EYS: variants seen among roughly 807,000 people sequenced by gnomAD.
The protein encoded by EYS is EGF-like photoreceptor maintenance factor, also known as protein eyes shut homolog.
EYS carries 250 observed loss-of-function variants against 282.1 expected under a neutral mutation model. The ratio of observed to expected loss-of-function variants is 0.89; its 90% confidence interval spans 0.80 to 0.98. The LOEUF (loss-of-function observed/expected upper bound fraction) is 0.98. Ranked by LOEUF, EYS falls within the 50% of genes least tolerant of loss-of-function variation. The probability of loss-of-function intolerance (pLI) is 0.00; values close to 1 mark genes in which losing one functional copy is unlikely to be tolerated. For missense variants in EYS, 4,016 were observed against 3,709.0 expected (o/e 1.08, Z -2.15); for synonymous variants, 1,355 against 1,282.9 (o/e 1.06, Z -1.20).
At chr6:65,300,261 C>T (rs757419460) in intron 11 of EYS, among the ~76,000 whole-genome samples, 1 of 152,142 alleles carries the variant, frequency 6.6e-6, no homozygotes, top group Non-Finnish European at 1.5e-5. Flanking sequence ...TCTTCACCTT[C>T]ATCCTGGGAG....
At position 63,726,551 on chromosome 6, in the gene EYS, A is replaced by G. The variant is rs1482261398; in HGVS notation, c.8201T>C (p.Phe2734Ser). ...FQPLAADGIL[F>S]YAAQHLKAQS... ...GGCTTTTAAGTGTTGTGCAGCATAA[A>G]ATAGGATACCATCTGCAGCGAGAGG... The change falls in exon 42 of 43, where the codon TTT becomes TCT. Residue 2734 changes from phenylalanine (F) to serine (S), a missense_variant. Phe to Ser is a radical substitution (Grantham distance 155, BLOSUM62 -2). Transcript: ENST00000503581. 6.4e-7 allele frequency: 1 copy of G among 1,551,320 alleles called. No individual in the cohort carries two copies. The highest frequency in any genetic ancestry group is 8.7e-7 in the Non-Finnish European group (1 of 1,146,778).
At chr6:64,184,432 A>C (rs1764875138) in intron 31 of EYS, among the ~76,000 whole-genome samples, 1 of 152,168 alleles carries the variant, frequency 6.6e-6, no homozygotes, top group South Asian at 2.1e-4. Context: ...GAGGTTAGCA[A>C]AAGGCTAGCA....
At chr6:64,464,363 C>T (rs1775850967) in intron 26 of EYS, among the ~76,000 whole-genome samples, 1 of 152,070 alleles carries the variant, frequency 6.6e-6, no homozygotes, top group East Asian at 1.9e-4. Flanking sequence ...AAGTTATAAG[C>T]TCTCACATTC....
In EYS at chr6:64,919,812, T is replaced by C. The variant is rs369899820; in HGVS notation, c.2382-7069A>G. Among the ~76,000 whole-genome samples the C allele has an allele frequency of 2.4e-4, 37 of 152,282 alleles. No homozygotes were observed. The East Asian group carries it at 3.1e-3, about 13-fold the overall frequency. ...TCAAGCTGCTTTGTAGGTCAGTATT[T>C]CTAAAAAACAATTCAAGGCTTTTTC... On this transcript the variant is annotated intron_variant, in intron 15 of 42. Transcript: ENST00000503581.
intron 7 of EYS, among the ~76,000 whole-genome samples, chr6:65,390,476 T>C (rs1038358856): frequency 6.6e-6 from 1 of 151,740 alleles, no homozygotes. Flanking sequence ...ACGCTGTCTA[T>C]ACACTTCACT....
At chr6:64,784,412 T>G (rs1773954530) in intron 22 of EYS, among the ~76,000 whole-genome samples, 1 of 152,190 alleles carries the variant, frequency 6.6e-6, no homozygotes, top group Admixed American at 6.5e-5. Context: ...CCTTTTTATT[T>G]GGTCACAAAC....
At chr6:64,121,474 C>T (rs1487570423) in intron 31 of EYS, among the ~76,000 whole-genome samples, 1 of 152,326 alleles carries the variant, frequency 6.6e-6, no homozygotes, top group East Asian at 1.9e-4. Context: ...GAGCTAACAG[C>T]TGTCTAATTT....
At chr6:63,934,039 A>G (rs1263432771) in intron 35 of EYS, among the ~76,000 whole-genome samples, 1 of 152,176 alleles carries the variant, frequency 6.6e-6, no homozygotes, top group Non-Finnish European at 1.5e-5. Context: ...TCTACAATGA[A>G]CTCAAACAAA....
intron 21 of EYS, chr6:64,815,170 GAACT>G: frequency 2.3e-6 from 1 of 430,978 alleles, no homozygotes; most frequent in South Asian, 1.6e-5. Context: ...ACAAGTGATA[GAACT>G]AAGTATGTTT....
At chr6:64,958,415 T>C (rs1359681151) in intron 14 of EYS, among the ~76,000 whole-genome samples, 4 of 149,996 alleles carry the variant, frequency 2.7e-5, no homozygotes, top group Non-Finnish European at 5.9e-5. Context: ...ACAAATTTAA[T>C]GTCATCTGAA....
chr6:65,355,247 C>A (rs965203387), intron 8 of EYS, among the ~76,000 whole-genome samples: 1 of 152,100 alleles, frequency 6.6e-6, no homozygotes, highest in Non-Finnish European at 1.5e-5. Context: ...CCAAAGACTG[C>A]ATATTGAGTA....
At chr6:63,778,263 G>C in intron 39 of EYS, 83 bp from the exon 40 acceptor site, 1 of 1,380,848 alleles carries the variant, frequency 7.2e-7, no homozygotes, top group Non-Finnish European at 1.0e-6. Flanking sequence ...CATTTTTAAA[G>C]TAGAAGTTTT....
chr6:65,328,085 G>A (rs79152473), intron 11 of EYS, among the ~76,000 whole-genome samples: 2,044 of 151,500 alleles, frequency 0.013, 21 homozygotes, highest in South Asian at 0.029. Context: ...AACATATGCT[G>A]TGACTTTTAG....
At chr6:64,925,541 A>G (rs1768488533) in intron 15 of EYS, among the ~76,000 whole-genome samples, 1 of 152,154 alleles carries the variant, frequency 6.6e-6, no homozygotes, top group Non-Finnish European at 1.5e-5. Flanking sequence ...AGGTCATATG[A>G]GGCTACCTTC....
intron 19 of EYS, among the ~76,000 whole-genome samples, chr6:64,862,110 A>G (rs1336371374): frequency 2.0e-5 from 3 of 152,174 alleles, no homozygotes; most frequent in African/African-American, 7.2e-5. Flanking sequence ...CAACACTTTA[A>G]ATATTTCATC....
At chr6:63,839,872 G>A (rs540332698) in intron 36 of EYS, among the ~76,000 whole-genome samples, 68 of 152,184 alleles carry the variant, frequency 4.5e-4, no homozygotes, top group African/African-American at 1.6e-3. Context: ...GCCAGCATTT[G>A]TTATTTTTCC....
chr6:64,117,362 G>C (rs530288791), intron 31 of EYS, among the ~76,000 whole-genome samples: 7 of 142,918 alleles, frequency 4.9e-5, no homozygotes, highest in Non-Finnish European at 9.3e-5. Context: ...AAATAACAAA[G>C]ACCAGAGCAG....
At chr6:64,986,010 G>C (rs1410170499) in intron 14 of EYS, among the ~76,000 whole-genome samples, 1 of 151,410 alleles carries the variant, frequency 6.6e-6, no homozygotes, top group Non-Finnish European at 1.5e-5. Flanking sequence ...TGTTTACTGA[G>C]ACCAAGTTTT....
intron 26 of EYS, among the ~76,000 whole-genome samples, chr6:64,495,214 T>C (rs1388503033): frequency 6.6e-6 from 1 of 151,704 alleles, no homozygotes; most frequent in African/African-American, 2.4e-5. Flanking sequence ...GAATGTAATA[T>C]CCATGGATAT....
Sources: allele counts gnomAD v4.1 joint callset (sites outside exome capture counted in the v4.1 genomes callset), GRCh38; gene constraint gnomAD v4.1.1; transcripts MANE v1.5; gene names NCBI Gene and HGNC (gene_info 2026-07-23, HGNC 2026-07-21).